ROBO2: variants seen among roughly 807,000 people sequenced by gnomAD.
The protein encoded by ROBO2 is roundabout homolog 2.
Under a neutral mutation model 160.8 loss-of-function variants are expected in ROBO2, and 53 were observed. That is an observed-to-expected ratio of 0.33 (90% CI 0.26 to 0.41). The LOEUF (loss-of-function observed/expected upper bound fraction) is 0.41, where lower values mean the gene tolerates loss of function less well. ROBO2 is among the 10% of genes least tolerant of loss of function. The pLI, the probability that ROBO2 is intolerant of heterozygous loss-of-function variation, is 1.00. For missense variants in ROBO2, 1,577 were observed against 1,722.4 expected (o/e 0.92, Z 1.49); for synonymous variants, 664 against 611.7 (o/e 1.09, Z -1.26).
chr3:76,880,674 A>G (rs1001397695), intron 2 of ROBO2, among the ~76,000 whole-genome samples: 1 of 152,134 alleles, frequency 6.6e-6, no homozygotes, highest in Non-Finnish European at 1.5e-5. Context: ...AATACAACTT[A>G]TGTTCTCATA....
chr3:77,096,594 G>A (rs2071097138), intron 1 of ROBO2, among the ~76,000 whole-genome samples: 1 of 151,816 alleles, frequency 6.6e-6, no homozygotes, highest in Non-Finnish European at 1.5e-5. Context: ...GATTATAGGT[G>A]TCCACCACCC....
At chr3:76,026,974 G>C (rs2066768907) in intron 2 of ROBO2, among the ~76,000 whole-genome samples, 1 of 151,934 alleles carries the variant, frequency 6.6e-6, no homozygotes, top group Non-Finnish European at 1.5e-5. Context: ...TGATTACAGA[G>C]ATGTCTGAGG....
At chr3:77,640,537 G>A (rs867361196) in intron 24 of ROBO2, among the ~76,000 whole-genome samples, 5 of 152,152 alleles carry the variant, frequency 3.3e-5, no homozygotes, top group African/African-American at 1.2e-4. Flanking sequence ...TTCATGGGAG[G>A]AAAGATCCAA....
Position 76,167,917 on chromosome 3 carries a change from G to A in ROBO2, c.109+230315G>A, listed in dbSNP as rs2072899132. Among the ~76,000 whole-genome samples the A allele has an allele frequency of 2.6e-5, 4 of 152,130 alleles. No individual in the cohort carries two copies. The South Asian group carries it at 8.3e-4, about 32-fold the overall frequency. ...ATCAGTGTGTAAGGTAATCATTCCTGGTGCACTGGGAGTCCGTTAACAGAG... is the reference window on the plus strand; with the variant it reads ...ATCAGTGTGTAAGGTAATCATTCCTAGTGCACTGGGAGTCCGTTAACAGAG... On this transcript the variant is annotated intron_variant, in intron 2 of 26. Transcript: ENST00000487694.
At chr3:77,341,324 A>G (rs556778169) in intron 2 of ROBO2, among the ~76,000 whole-genome samples, 2 of 152,234 alleles carry the variant, frequency 1.3e-5, no homozygotes, top group East Asian at 3.9e-4. Context: ...TCACAAGGGA[A>G]TCCACCATAT....
intron 2 of ROBO2, among the ~76,000 whole-genome samples, chr3:77,447,495 G>A (rs1020829950): frequency 1.3e-5 from 2 of 152,004 alleles, no homozygotes; most frequent in Admixed American, 6.6e-5. Flanking sequence ...ATAGGCTTTT[G>A]GTTAGTACTA....
intron 2 of ROBO2, among the ~76,000 whole-genome samples, chr3:76,712,000 A>G (rs264549): frequency 0.39 from 58,804 of 151,978 alleles, 12,218 homozygotes; most frequent in Non-Finnish European, 0.47. Flanking sequence ...AGCTTCCAGA[A>G]TATAGGAAGT....
At chr3:77,462,413 G>A (rs1023035390) in intron 2 of ROBO2, among the ~76,000 whole-genome samples, 1 of 152,106 alleles carries the variant, frequency 6.6e-6, no homozygotes, top group Admixed American at 6.6e-5. Flanking sequence ...TAGTTGAATT[G>A]TACACTTTGA....
intron 2 of ROBO2, among the ~76,000 whole-genome samples, chr3:76,803,888 C>G: frequency 6.6e-6 from 1 of 152,206 alleles, no homozygotes; most frequent in Non-Finnish European, 1.5e-5. Context: ...TTATTATTGA[C>G]GAATGACACA....
chr3:77,638,053 T>C (rs2095292940), intron 24 of ROBO2, among the ~76,000 whole-genome samples: 1 of 152,216 alleles, frequency 6.6e-6, no homozygotes, highest in African/African-American at 2.4e-5. Context: ...CCCAAGTGCT[T>C]AATCCAAAGC....
At chr3:76,407,239 C>G (rs993294813) in intron 2 of ROBO2, among the ~76,000 whole-genome samples, 4 of 151,918 alleles carry the variant, frequency 2.6e-5, no homozygotes, top group Non-Finnish European at 5.9e-5. Flanking sequence ...CTCACCTGAT[C>G]TAAAGTAGTC....
intron 2 of ROBO2, among the ~76,000 whole-genome samples, chr3:76,127,098 G>T (rs1367960402): frequency 6.6e-6 from 1 of 152,084 alleles, no homozygotes; most frequent in Non-Finnish European, 1.5e-5. Context: ...AGGAATTTTT[G>T]AAGCAAAGCT....
chr3:75,910,914 A>T (rs1424970461), intron 1 of ROBO2, among the ~76,000 whole-genome samples: 1 of 151,942 alleles, frequency 6.6e-6, no homozygotes, highest in Non-Finnish European at 1.5e-5. Flanking sequence ...TATTATTTAA[A>T]CATTTAAATA....
intron 2 of ROBO2, among the ~76,000 whole-genome samples, chr3:76,257,359 G>A (rs1706463056): frequency 6.6e-6 from 1 of 152,012 alleles, no homozygotes; most frequent in East Asian, 1.9e-4. Context: ...TCTTATGATG[G>A]TCATTTCTTA....
intron 2 of ROBO2, among the ~76,000 whole-genome samples, chr3:77,367,206 A>T (rs764758857): frequency 4.6e-5 from 7 of 152,046 alleles, no homozygotes; most frequent in Admixed American, 6.6e-5. Context: ...TTTTTATGTG[A>T]ATATATATAT....
At chr3:76,999,645 C>A (rs151223085) in intron 2 of ROBO2, among the ~76,000 whole-genome samples, 2 of 152,074 alleles carry the variant, frequency 1.3e-5, no homozygotes, top group Non-Finnish European at 2.9e-5. Context: ...ACAGAAAAGA[C>A]CCACAATTTA....
chr3:77,446,787 T>A (rs1043751862), intron 2 of ROBO2, among the ~76,000 whole-genome samples: 1 of 151,944 alleles, frequency 6.6e-6, no homozygotes, highest in Non-Finnish European at 1.5e-5. Flanking sequence ...TGAAATATAG[T>A]GGTGGAAAGA....
At chr3:77,073,275 A>G (rs1289610056) in intron 1 of ROBO2, among the ~76,000 whole-genome samples, 1 of 152,130 alleles carries the variant, frequency 6.6e-6, no homozygotes, top group East Asian at 1.9e-4. Flanking sequence ...ATTGGCCATT[A>G]TTTTTCTAAT....
In ROBO2 at chr3:76,666,237, C is replaced by G. The variant is rs956499971; in HGVS notation, c.110-431777C>G. On this transcript the variant is annotated intron_variant, in intron 2 of 26. Transcript: ENST00000487694. ...CTCTCTGGGATTAATTTTTCTTGTG[C>G]TTAGCACATAACAGCTACGATTTTT... 1.7e-4 allele frequency among the ~76,000 whole-genome samples: 26 copies of G among 151,678 alleles called. 1 individual carries two copies. The East Asian group carries it at 5.0e-3, about 29-fold the overall frequency.
Sources: gnomAD v4.1 joint callset for allele counts (sites outside exome capture counted in the v4.1 genomes callset) on GRCh38, gnomAD v4.1.1 for gene constraint, MANE v1.5 for transcripts, NCBI Gene and HGNC (gene_info 2026-07-23, HGNC 2026-07-21) for gene names.